Variants in LGR6 observed in about 807,000 individuals in gnomAD.
LGR6 encodes the protein leucine rich repeat containing G protein-coupled receptor 6.
LGR6 carries 45 observed loss-of-function variants against 69.4 expected under a neutral mutation model. The observed-to-expected ratio is 0.65, with a 90% CI of 0.51 to 0.83. The LOEUF (loss-of-function observed/expected upper bound fraction) is 0.83. Ranked by LOEUF, LGR6 falls within the 40% of genes least tolerant of loss-of-function variation. LGR6 has a pLI of 0.00. For missense variants in LGR6, 1,108 were observed against 1,246.7 expected (o/e 0.89, Z 1.68); for synonymous variants, 538 against 555.0 (o/e 0.97, Z 0.43).
At chr1:202,251,515 G>C (rs1001538704) in intron 4 of LGR6, among the ~76,000 whole-genome samples, 7 of 152,170 alleles carry the variant, frequency 4.6e-5, no homozygotes, top group African/African-American at 1.7e-4. Context: ...GGCAGGAGAG[G>C]GAAGAAGAGG....
chr1:202,218,466 T>C (rs868267877), intron 1 of LGR6, among the ~76,000 whole-genome samples: 37 of 152,174 alleles, frequency 2.4e-4, no homozygotes, highest in African/African-American at 8.4e-4. Context: ...GTCTGGCTAG[T>C]TTTTAATTTT....
At chr1:202,232,557 T>G (rs181722491) in intron 3 of LGR6, among the ~76,000 whole-genome samples, 1 of 152,090 alleles carries the variant, frequency 6.6e-6, no homozygotes, top group African/African-American at 2.4e-5. Context: ...GGTGCAGTGG[T>G]TCATGCCTGT....
chr1:202,199,376 G>T lies in LGR6; in HGVS notation c.212+5175G>T, dbSNP rs1658755168. On this transcript the variant is annotated intron_variant, in intron 1 of 17. Coordinates refer to ENST00000367278, the MANE Select transcript of LGR6 (RefSeq NM_001017403.2). ...GTGGGCCCATCAGAAGGCAGACCCGGGGGGTCGCCGGAGGTGGGTGAATGT... is the reference window on the plus strand; with the variant it reads ...GTGGGCCCATCAGAAGGCAGACCCGTGGGGTCGCCGGAGGTGGGTGAATGT... Among the ~76,000 whole-genome samples, 3 of 152,296 alleles carry T rather than the reference G, an allele frequency of 2.0e-5. No homozygotes were observed. The South Asian group carries it at 6.2e-4, about 32-fold the overall frequency.
chr1:202,300,806 A>C (rs763249127), intron 7 of LGR6, 43 bp from the exon 8 acceptor site: 24 of 1,462,754 alleles, frequency 1.6e-5, no homozygotes, highest in Non-Finnish European at 2.3e-5. Flanking sequence ...CCCTCTCTAT[A>C]CCTTTCTCCA....
chr1:202,270,242 C>T (rs1393788369), intron 4 of LGR6, among the ~76,000 whole-genome samples: 3 of 149,122 alleles, frequency 2.0e-5, no homozygotes, highest in African/African-American at 7.4e-5. Context: ...TTTGTTTTTG[C>T]TTTTGTTTTT....
intron 1 of LGR6, among the ~76,000 whole-genome samples, chr1:202,211,865 G>A (rs751933392): frequency 3.2e-4 from 49 of 152,036 alleles, no homozygotes; most frequent in Non-Finnish European, 4.7e-4. Flanking sequence ...AGATAGCAAC[G>A]ATCGTGATTT....
At chr1:202,249,313 C>T (rs916854878) in intron 4 of LGR6, among the ~76,000 whole-genome samples, 1 of 152,214 alleles carries the variant, frequency 6.6e-6, no homozygotes, top group African/African-American at 2.4e-5. Flanking sequence ...AGACCCCATT[C>T]TCCTAGATCT....
chr1:202,304,771 C>T, intron 11 of LGR6, 141 bp downstream of exon 11: 1 of 536,896 alleles, frequency 1.9e-6, no homozygotes, highest in African/African-American at 1.9e-5. Context: ...TGAGAGCCTA[C>T]CCCAGAAGGA....
chr1:202,205,995 G>T (rs111432376), intron 1 of LGR6, among the ~76,000 whole-genome samples: 3,881 of 114,016 alleles, frequency 0.034, 163 homozygotes, highest in African/African-American at 0.1. Flanking sequence ...CACACCCCTA[G>T]TATGGGTCTC....
chr1:202,272,364 GC>G (rs1353332640), intron 4 of LGR6, among the ~76,000 whole-genome samples: 3 of 152,096 alleles, frequency 2.0e-5, no homozygotes, highest in Non-Finnish European at 2.9e-5. Context: ...CACAGTCCTG[GC>G]CGATTTCTTC....
chr1:202,293,308 T>C (rs1301786779), intron 6 of LGR6, among the ~76,000 whole-genome samples: 1 of 152,206 alleles, frequency 6.6e-6, no homozygotes. Flanking sequence ...TGCTCTCTCT[T>C]CTTGATCCAT....
At chr1:202,197,076 A>T (rs1450918901) in intron 1 of LGR6, 3 of 533,160 alleles carry the variant, frequency 5.6e-6, no homozygotes, top group Non-Finnish European at 1.2e-5. Flanking sequence ...CATAGACAGA[A>T]CTATAGGAGG....
At chr1:202,271,509 C>A (rs914374859) in intron 4 of LGR6, among the ~76,000 whole-genome samples, 7 of 152,002 alleles carry the variant, frequency 4.6e-5, no homozygotes, top group Non-Finnish European at 7.4e-5. Flanking sequence ...GGTGTCCAAC[C>A]AGAAAATACA....
rs1048645890 is a variant in LGR6 at position 202,205,844 on chromosome 1, C to T, written c.212+11643C>T. 8.1e-5 allele frequency among the ~76,000 whole-genome samples: 7 copies of T among 86,886 alleles called. No individual in the cohort carries two copies. In the Admixed American group the frequency reaches 8.2e-4, roughly 10 times the overall value. 57.0% of individuals were successfully genotyped at this position (86,886 alleles called of 152,430 possible). A position where few individuals can be genotyped will look rare whatever the true frequency, so the allele number is the denominator to read the frequency against. ...ACACACACCCCAACACACACACCTCCTTCAAACACACACCTCCTTCAAACA... is the reference window on the plus strand; with the variant it reads ...ACACACACCCCAACACACACACCTCTTTCAAACACACACCTCCTTCAAACA... On this transcript the variant is annotated intron_variant, in intron 1 of 17. Transcript: ENST00000367278.
intron 4 of LGR6, among the ~76,000 whole-genome samples, chr1:202,242,067 G>A (rs531226526): frequency 3.3e-5 from 5 of 152,318 alleles, no homozygotes; most frequent in Admixed American, 2.0e-4. Flanking sequence ...TCGTGGGCCG[G>A]GGAAGGCAGC....
chr1:202,318,453 G>A lies in LGR6; in HGVS notation c.2150G>A (p.Cys717Tyr). The A allele has an allele frequency of 6.2e-7, 1 of 1,612,924 alleles. No individual in the cohort carries two copies. Among genetic ancestry groups the A allele is most frequent in the Non-Finnish European group, 8.5e-7 (1 of 1,179,756 alleles). ...SVGEYGASPL[C>Y]LPYAPPEGQP... ...GGAGAATACGGGGCCTCCCCACTCT[G>A]CCTGCCCTACGCGCCACCTGAGGGT... Residue 717 changes from cysteine to tyrosine, a missense_variant, in exon 18 of 18, where the codon TGC becomes TAC. Transcript: ENST00000367278.
chr1:202,207,523 G>T (rs1659298448), intron 1 of LGR6, among the ~76,000 whole-genome samples: 1 of 152,176 alleles, frequency 6.6e-6, no homozygotes, highest in Admixed American at 6.5e-5. Flanking sequence ...GCTCTGGCAG[G>T]CAGGGATTCT....
At chr1:202,239,190 C>G (rs1011606595) in intron 4 of LGR6, among the ~76,000 whole-genome samples, 2 of 152,102 alleles carry the variant, frequency 1.3e-5, no homozygotes, top group Non-Finnish European at 2.9e-5. Flanking sequence ...TGCTGGCGTA[C>G]GCAAGTAGCC....
At position 202,245,880 on chromosome 1, in the gene LGR6, C is replaced by T. The variant is rs890034647; in HGVS notation, c.428+9887C>T. 1.2e-4 allele frequency among the ~76,000 whole-genome samples: 19 copies of T among 152,150 alleles called. 2 individuals are homozygous for T. Among genetic ancestry groups the T allele is most frequent in the Admixed American group, 5.9e-4 (9 of 15,298 alleles). ...GGTCTGTCAGGAGGGAAGAGGAGAC[C>T]GAACTATTGGTGTGTCTCTGTCCAT... On this transcript the variant is annotated intron_variant, in intron 4 of 17. Transcript: ENST00000367278.
Sources: gnomAD v4.1 joint callset for allele counts (sites outside exome capture counted in the v4.1 genomes callset) on GRCh38, gnomAD v4.1.1 for gene constraint, MANE v1.5 for transcripts, NCBI Gene and HGNC (gene_info 2026-07-23, HGNC 2026-07-21) for gene names.